Variants in LYZL1 observed in about 807,000 individuals in gnomAD.
LYZL1 encodes lysozyme-like protein 1.
Under a neutral mutation model 17.9 loss-of-function variants are expected in LYZL1, and 16 were observed. The observed-to-expected ratio is 0.90, with a 90% confidence interval of 0.61 to 1.36. LYZL1 has a LOEUF of 1.36. Among genes scored for constraint, LYZL1 ranks in the 40% most tolerant of loss-of-function variants. The pLI, the probability that LYZL1 is intolerant of heterozygous loss-of-function variation, is 0.00. For missense variants in LYZL1, 149 were observed against 188.4 expected (o/e 0.79, Z 1.22); for synonymous variants, 58 against 71.8 (o/e 0.81, Z 0.97).
chr10:29,306,839 T>TGAGAGAGAGAGAGAGA (rs146929957), intron 3 of LYZL1, among the ~76,000 whole-genome samples: 2 of 138,990 alleles, frequency 1.4e-5, no homozygotes, highest in African/African-American at 5.4e-5. Context: ...TGAAAGAGAT[T>TGAGAGAGAGAGAGAGA]GAGAGAGAGA....
intron 4 of LYZL1, chr10:29,318,135 CTGTT>C (rs1490602623): frequency 3.0e-6 from 3 of 984,934 alleles, no homozygotes; most frequent in South Asian, 9.4e-5. Context: ...GAAACTGAGG[CTGTT>C]TATTTTCACA....
intron 4 of LYZL1, chr10:29,317,554 G>A (rs1835746812): frequency 6.6e-6 from 1 of 152,252 alleles, no homozygotes; most frequent in East Asian, 1.9e-4. Context: ...AAAGCCAATA[G>A]CTGTGCAAAC....
At chr10:29,309,865 C>A (rs1184860364) in intron 3 of LYZL1, among the ~76,000 whole-genome samples, 1 of 152,114 alleles carries the variant, frequency 6.6e-6, no homozygotes, top group Admixed American at 6.5e-5. Flanking sequence ...TTCCAAAAAC[C>A]CTTCAGGATT....
At chr10:29,300,048 T>C (rs1835496641) in intron 3 of LYZL1, among the ~76,000 whole-genome samples, 1 of 152,210 alleles carries the variant, frequency 6.6e-6, no homozygotes, top group African/African-American at 2.4e-5. Flanking sequence ...TGAATGGGAC[T>C]GGCTGTGTTC....
intron 3 of LYZL1, among the ~76,000 whole-genome samples, chr10:29,307,012 G>A (rs1457933673): frequency 3.3e-5 from 5 of 152,140 alleles, no homozygotes; most frequent in East Asian, 1.9e-4. Context: ...ATGCCACCAC[G>A]CCTGGCTAAT....
At chr10:29,305,020 T>C (rs1835572311) in intron 3 of LYZL1, among the ~76,000 whole-genome samples, 1 of 152,182 alleles carries the variant, frequency 6.6e-6, no homozygotes, top group Admixed American at 6.5e-5. Flanking sequence ...AATGTGCTCT[T>C]TCTGTACATG....
chr10:29,291,020 T>C (rs193093900), intron 1 of LYZL1, among the ~76,000 whole-genome samples: 1 of 152,018 alleles, frequency 6.6e-6, no homozygotes, highest in Non-Finnish European at 1.5e-5. Context: ...GTGGCTGAAA[T>C]GGGCTGTCTG....
At chr10:29,314,866 A>G (rs555453452), downstream of LYZL1, among the ~76,000 whole-genome samples, 1 of 152,312 alleles carries the variant, frequency 6.6e-6, no homozygotes, top group Non-Finnish European at 1.5e-5. Flanking sequence ...ATGGCAGAGA[A>G]TCCAAGAGGC....
At chr10:29,293,814 TA>T (rs1416973968) in intron 3 of LYZL1, among the ~76,000 whole-genome samples, 3 of 151,400 alleles carry the variant, frequency 2.0e-5, no homozygotes, top group Non-Finnish European at 4.4e-5. Flanking sequence ...CTCTACTAAA[TA>T]ATACAAAAAT....
rs553592739 is a variant in LYZL1, at chr10:29,307,837, T to A, written c.299-2273T>A. On this transcript the variant is annotated intron_variant, in intron 3 of 4. Coordinates refer to ENST00000649382, the MANE Select transcript of LYZL1 (RefSeq NM_032517.6). The stretch of plus-strand genomic sequence containing the variant: ...ATCATGACTGTTTCCTTAGGATAGA[T>A]CTGGAGAGATAAATTATTAGGTGAA... 3.3e-5 allele frequency among the ~76,000 whole-genome samples: 5 copies of A among 152,248 alleles called. No individual in the cohort carries two copies. The South Asian group carries it at 1.0e-3, about 32-fold the overall frequency.
rs779740598 is a variant in LYZL1 at position 29,310,107 on chromosome 10, C to CAG, written c.299-2_299-1dup. ...TAACCCTGATGTCTTCTCTCTTTTA[C>CAG]AGCCTTGATCACTGATGACCTCACA... On this transcript the variant is annotated splice_polypyrimidine_tract_variant and splice_region_variant and intron_variant, in intron 3 of 4. Transcript: ENST00000649382. 1.2e-5 allele frequency: 20 copies of CAG among 1,607,208 alleles called. No homozygotes were observed. The highest frequency in any genetic ancestry group is 1.6e-5 in the Non-Finnish European group (19 of 1,174,484).
chr10:29,302,124 C>T (rs1032395959), intron 3 of LYZL1, among the ~76,000 whole-genome samples: 1 of 152,098 alleles, frequency 6.6e-6, no homozygotes, highest in African/African-American at 2.4e-5. Flanking sequence ...GGGTCTTGCC[C>T]TTGACTGATC....
chr10:29,309,967 A>G (rs2796293), intron 3 of LYZL1, 143 bp from the exon 4 acceptor site: 565,609 of 570,834 alleles, frequency 0.99, 280,409 homozygotes, highest in East Asian at 1. Context: ...TAATGAAAAT[A>G]AGATTGTGGC....
intron 3 of LYZL1, among the ~76,000 whole-genome samples, chr10:29,301,098 C>T (rs773838573): frequency 2.1e-4 from 32 of 152,174 alleles, no homozygotes; most frequent in Admixed American, 6.5e-4. Flanking sequence ...AGGAGGAACT[C>T]GGTGGGAGGT....
intron 3 of LYZL1, among the ~76,000 whole-genome samples, chr10:29,306,228 T>C (rs1224389387): frequency 1.3e-5 from 2 of 152,146 alleles, no homozygotes; most frequent in Non-Finnish European, 2.9e-5. Context: ...CATGAGTGGC[T>C]ATAAAGTATC....
intron 2 of LYZL1, among the ~76,000 whole-genome samples, chr10:29,292,309 G>C (rs528328549): frequency 1.3e-3 from 199 of 151,754 alleles, no homozygotes; most frequent in Admixed American, 2.8e-3. Flanking sequence ...ATTAGGCTCA[G>C]CCCCTGACTG....
chr10:29,310,844 G>T, intron 4 of LYZL1, 146 bp from the exon 5 acceptor site: 4 of 1,201,480 alleles, frequency 3.3e-6, no homozygotes, highest in Non-Finnish European at 4.8e-6. Context: ...CTAGGCAAAA[G>T]GACAGCATCC....
At chr10:29,293,089 T>TCCCTTTTTCTTTTCTTTC in intron 3 of LYZL1, among the ~76,000 whole-genome samples, 1 of 151,690 alleles carries the variant, frequency 6.6e-6, no homozygotes, top group African/African-American at 2.4e-5. Context: ...TCTTTTCTTT[T>TCCCTTTTTCTTTTCTTTC]CCCTTTTTCT....
chr10:29,310,169 A>G lies in LYZL1; in HGVS notation c.358A>G (p.Thr120Ala). The G allele has an allele frequency of 6.2e-7, 1 of 1,610,038 alleles. No individual in the cohort carries two copies. Reference sequence around the variant, plus strand: ...CTGTGCCAGGAAAATTGTTAAAGAGACACAAGGAATGAACTATTGGTAAGA... The same window carrying G: ...CTGTGCCAGGAAAATTGTTAAAGAGGCACAAGGAATGAACTATTGGTAAGA... ...IICARKIVKE[T>A]QGMNYWQGWK... The change falls in exon 4 of 5, where the codon ACA (threonine) becomes GCA (alanine). Residue 120 changes from threonine (T) to alanine (A), a missense_variant. This residue lies in a region of LYZL1 where 130 missense variants were observed against 132.5 expected (regional missense o/e 0.98). Transcript: ENST00000649382.
Sources: gnomAD v4.1 joint callset for allele counts (sites outside exome capture counted in the v4.1 genomes callset) on GRCh38, gnomAD v4.1.1 for gene constraint, gnomAD v4.1.1 regional missense constraint, MANE v1.5 for transcripts, NCBI Gene and HGNC (gene_info 2026-07-23, HGNC 2026-07-21) for gene names.